Variants in CFAP299 observed in about 807,000 individuals in gnomAD.
CFAP299 encodes the protein cilia- and flagella-associated protein 299.
In CFAP299, 21 loss-of-function variants were observed where a neutral mutation model predicts 27.0. The observed-to-expected ratio is 0.78, with a 90% confidence interval of 0.55 to 1.12. CFAP299 has a LOEUF of 1.12. CFAP299 is among the 50% of genes most tolerant of loss of function. The probability of loss-of-function intolerance (pLI) is 0.00; values close to 1 mark genes in which losing one functional copy is unlikely to be tolerated. For missense variants in CFAP299, 310 were observed against 276.6 expected, an observed-to-expected ratio of 1.12 and a Z score of -0.86; for synonymous variants, 104 against 98.1, an observed-to-expected ratio of 1.06 and a Z score of -0.36.
At chr4:80,818,985 AGATG>A (rs950726424) in intron 3 of CFAP299, among the ~76,000 whole-genome samples, 17 of 152,148 alleles carry the variant, frequency 1.1e-4, no homozygotes, top group Admixed American at 1.1e-3. Context: ...ACTCAGAATG[AGATG>A]GATGATCACT....
chr4:80,716,058 T>C (rs950881351), intron 3 of CFAP299, among the ~76,000 whole-genome samples: 2 of 152,000 alleles, frequency 1.3e-5, no homozygotes, highest in Non-Finnish European at 2.9e-5. Flanking sequence ...GTTGATAGAA[T>C]TGAAAGAATT....
intron 3 of CFAP299, among the ~76,000 whole-genome samples, chr4:80,609,399 A>G (rs1577928677): frequency 1.3e-5 from 2 of 152,198 alleles, no homozygotes; most frequent in East Asian, 1.9e-4. Flanking sequence ...ATGCAGTGAG[A>G]GAAGGAAGCT....
intron 2 of CFAP299, among the ~76,000 whole-genome samples, chr4:80,415,357 T>C (rs1050630024): frequency 1.1e-4 from 17 of 152,182 alleles, no homozygotes; most frequent in African/African-American, 4.1e-4. Context: ...AAAAATACTC[T>C]TGTAAACATT....
intron 3 of CFAP299, among the ~76,000 whole-genome samples, chr4:80,832,002 C>T (rs1730323356): frequency 1.3e-5 from 2 of 152,122 alleles, no homozygotes; most frequent in African/African-American, 4.8e-5. Context: ...AGCATGTTTA[C>T]AGGAGTTCTT....
intron 2 of CFAP299, among the ~76,000 whole-genome samples, chr4:80,551,480 A>C (rs903956788): frequency 1.3e-5 from 2 of 152,166 alleles, no homozygotes; most frequent in Non-Finnish European, 1.5e-5. Context: ...TTTAGACGTA[A>C]ATGAAATATA....
intron 3 of CFAP299, among the ~76,000 whole-genome samples, chr4:80,807,982 T>C (rs1461989086): frequency 6.6e-6 from 1 of 151,334 alleles, no homozygotes; most frequent in Admixed American, 6.6e-5. Flanking sequence ...ACCAAGAAAA[T>C]AAACTATCCA....
At chr4:80,800,686 T>A (rs1303499930) in intron 3 of CFAP299, among the ~76,000 whole-genome samples, 1 of 116,402 alleles carries the variant, frequency 8.6e-6, no homozygotes, top group South Asian at 2.3e-4. Context: ...ATATGATATA[T>A]TATATATATT....
In CFAP299 at chr4:80,403,905, G is replaced by C. The variant is rs550481953; in HGVS notation, c.242+41021G>C. ...ACTTTTTGATTTAAGACTTGAGAGT[G>C]CCAGTTTTTATATGTATTATGAACA... is the stretch of plus-strand genomic sequence containing the variant. On this transcript the variant is annotated intron_variant, in intron 2 of 5. Coordinates refer to ENST00000358105, the MANE Select transcript of CFAP299 (RefSeq NM_152770.3). Among the ~76,000 whole-genome samples, 4 of 152,108 alleles carry C rather than the reference G, an allele frequency of 2.6e-5. No individual in the cohort carries two copies. The South Asian group carries it at 8.3e-4, about 32-fold the overall frequency.
At chr4:80,439,823 A>T (rs1053237660) in intron 2 of CFAP299, among the ~76,000 whole-genome samples, 2 of 152,136 alleles carry the variant, frequency 1.3e-5, no homozygotes, top group Non-Finnish European at 2.9e-5. Context: ...TGCTGCCATC[A>T]CAGCAGTCTG....
chr4:80,489,188 G>A (rs1190455076), intron 2 of CFAP299, among the ~76,000 whole-genome samples: 2 of 152,134 alleles, frequency 1.3e-5, no homozygotes. Context: ...GTTGGACAAT[G>A]TGGACCTTAA....
At chr4:80,521,019 A>T (rs1283151443) in intron 2 of CFAP299, among the ~76,000 whole-genome samples, 1 of 152,204 alleles carries the variant, frequency 6.6e-6, no homozygotes, top group East Asian at 1.9e-4. Context: ...GAAATTATGT[A>T]AGTAGAGAAA....
chr4:80,782,057 C>T (rs1223230256), intron 3 of CFAP299, among the ~76,000 whole-genome samples: 1 of 152,126 alleles, frequency 6.6e-6, no homozygotes, highest in African/African-American at 2.4e-5. Context: ...CTATTATAGG[C>T]ATCCCCGCTT....
At chr4:80,561,424 G>A (rs552400987) in intron 2 of CFAP299, among the ~76,000 whole-genome samples, 1 of 152,214 alleles carries the variant, frequency 6.6e-6, no homozygotes, top group East Asian at 1.9e-4. Context: ...ACATTTATTA[G>A]CATCAGTGCT....
At chr4:80,414,162 C>G (rs891042233) in intron 2 of CFAP299, among the ~76,000 whole-genome samples, 1 of 148,328 alleles carries the variant, frequency 6.7e-6, no homozygotes, top group African/African-American at 2.5e-5. Context: ...GCTCCGCCTC[C>G]CGGGTTCACG....
chr4:80,861,883 T>C (rs1448060723), intron 3 of CFAP299, among the ~76,000 whole-genome samples: 1 of 152,186 alleles, frequency 6.6e-6, no homozygotes, highest in Non-Finnish European at 1.5e-5. Context: ...TAGAAGTTTT[T>C]TAATTCACTC....
chr4:80,867,250 C>A (rs1732797593), intron 3 of CFAP299, among the ~76,000 whole-genome samples: 1 of 151,966 alleles, frequency 6.6e-6, no homozygotes, highest in Non-Finnish European at 1.5e-5. Flanking sequence ...ATGTGAAAAT[C>A]CATTTTGTCT....
intron 3 of CFAP299, among the ~76,000 whole-genome samples, chr4:80,592,619 TAATA>T (rs1348965192): frequency 3.9e-5 from 6 of 152,216 alleles, no homozygotes; most frequent in African/African-American, 1.4e-4. Flanking sequence ...GAGTGTGCTA[TAATA>T]AATAACAGAG....
chr4:80,349,294 T>C (rs550387203), intron 1 of CFAP299, among the ~76,000 whole-genome samples: 2 of 152,222 alleles, frequency 1.3e-5, no homozygotes, highest in Non-Finnish European at 2.9e-5. Context: ...CACCCTGACA[T>C]GTAACTATCC....
chr4:80,775,027 C>T (rs930909463), intron 3 of CFAP299, among the ~76,000 whole-genome samples: 1 of 149,036 alleles, frequency 6.7e-6, no homozygotes, highest in African/African-American at 2.5e-5. Flanking sequence ...GCACAATGTG[C>T]ACATGTACCC....
Sources: gnomAD v4.1 joint callset for allele counts (sites outside exome capture counted in the v4.1 genomes callset) on GRCh38, gnomAD v4.1.1 for gene constraint, MANE v1.5 for transcripts, NCBI Gene and HGNC (gene_info 2026-07-23, HGNC 2026-07-21) for gene names.